The following EFCAB5 variants were observed in gnomAD, a reference collection of about 807,000 sequenced individuals.
The protein encoded by EFCAB5 is EF-hand calcium-binding domain-containing protein 5.
A neutral mutation model predicts 167.9 loss-of-function variants in EFCAB5; 131 were observed. The observed-to-expected ratio is 0.78, with a 90% confidence interval of 0.68 to 0.90. EFCAB5 has a LOEUF of 0.90. Ranked by LOEUF, EFCAB5 falls within the 40% of genes least tolerant of loss-of-function variation. The probability of loss-of-function intolerance (pLI) is 0.00; values close to 1 mark genes in which losing one functional copy is unlikely to be tolerated. For missense variants in EFCAB5, 1,663 were observed against 1,745.2 expected (o/e 0.95, Z 0.84); for synonymous variants, 574 against 602.8 (o/e 0.95, Z 0.70).
chr17:30,024,952 C>A (rs1163788391), intron 7 of EFCAB5, among the ~76,000 whole-genome samples: 4 of 151,000 alleles, frequency 2.6e-5, no homozygotes, highest in East Asian at 1.9e-4. Context: ...CCTATTTAAT[C>A]AATGGTGCTG....
intron 5 of EFCAB5, among the ~76,000 whole-genome samples, chr17:29,993,987 C>T (rs1379989847): frequency 1.3e-5 from 2 of 150,934 alleles, no homozygotes; most frequent in African/African-American, 4.9e-5. Flanking sequence ...GGCTGTGGTT[C>T]CAGCTTCTTG....
chr17:30,051,519 G>A (rs914079259), intron 9 of EFCAB5, among the ~76,000 whole-genome samples: 3 of 152,166 alleles, frequency 2.0e-5, no homozygotes, highest in Admixed American at 2.0e-4. Flanking sequence ...GTGACAGTCT[G>A]AATGTTTTGG....
At chr17:29,997,581 A>G (rs1025134449) in intron 6 of EFCAB5, among the ~76,000 whole-genome samples, 16 of 152,178 alleles carry the variant, frequency 1.1e-4, no homozygotes, top group Non-Finnish European at 2.4e-4. Context: ...AAGTTCCAGA[A>G]TTAAACAAAG....
intron 7 of EFCAB5, among the ~76,000 whole-genome samples, chr17:30,003,523 G>T (rs1008518472): frequency 2.7e-5 from 4 of 150,574 alleles, no homozygotes; most frequent in Middle Eastern, 3.2e-3. Context: ...GTGAGCCACT[G>T]TGCCCAGCCT....
At chr17:30,042,910 G>A (rs565861511) in intron 8 of EFCAB5, among the ~76,000 whole-genome samples, 17 of 152,204 alleles carry the variant, frequency 1.1e-4, no homozygotes, top group Admixed American at 4.6e-4. Flanking sequence ...TAACAAATTG[G>A]TTAAGCAGTA....
chr17:30,055,256 G>A (rs944414434), intron 10 of EFCAB5, among the ~76,000 whole-genome samples: 1 of 151,400 alleles, frequency 6.6e-6, no homozygotes, highest in Non-Finnish European at 1.5e-5. Flanking sequence ...TTGCACCACT[G>A]CACTCCATCT....
intron 14 of EFCAB5, among the ~76,000 whole-genome samples, chr17:30,070,732 C>T (rs889753107): frequency 2.0e-5 from 3 of 151,836 alleles, no homozygotes; most frequent in Non-Finnish European, 2.9e-5. Flanking sequence ...GGTGGATTAC[C>T]TGAGATCAGG....
chr17:30,024,716 G>A (rs965459452), intron 7 of EFCAB5, among the ~76,000 whole-genome samples: 2 of 151,494 alleles, frequency 1.3e-5, no homozygotes, highest in South Asian at 2.1e-4. Flanking sequence ...AAAAGAGCCC[G>A]CATCGCCAAG....
chr17:30,053,508 A>G lies in EFCAB5; in HGVS notation c.1554A>G (p.Pro518=). ...GAGGAGTAACTGCAGAACAAGGACC[A>G]CAAAGAATTTCAATTGAAGAACAAC... ...QQRGVTAEQG[P]QRISIEEQQQ... is the part of the protein sequence containing the mutation. Residue 518 remains proline (P), a synonymous_variant, in exon 10 of 23, where the codon CCA becomes CCG. Transcript: ENST00000394835. 6.2e-7 allele frequency: 1 copy of G among 1,614,012 alleles called. No individual in the cohort carries two copies. Among genetic ancestry groups the G allele is most frequent in the South Asian group, 1.1e-5 (1 of 91,084 alleles).
intron 18 of EFCAB5, among the ~76,000 whole-genome samples, chr17:30,084,330 C>A (rs2071045067): frequency 1.3e-5 from 2 of 152,096 alleles, no homozygotes. Context: ...CCCTTCAAAG[C>A]ACATGGGGCC....
Position 30,082,390 on chromosome 17 carries a change from C to CTTTTTTTTTTTTTT in EFCAB5, c.3427-492_3427-479dup, listed in dbSNP as rs71138871. Among the ~76,000 whole-genome samples the CTTTTTTTTTTTTTT allele has an allele frequency of 5.1e-5, 5 of 98,254 alleles. 1 individual carries two copies. The highest frequency in any genetic ancestry group is 8.2e-5 in the African/African-American group (2 of 24,436). The allele number at this position is 98,254 out of a possible 152,430, so 64.5% of individuals were successfully genotyped here. A position where few individuals can be genotyped will look rare whatever the true frequency, so the allele number is the denominator to read the frequency against. ...TATGTGGGTCTCTCTCTTTATACCT[C>CTTTTTTTTTTTTTT]TTTTTTTTTTTTTTTTTTTTTTGTG... On this transcript the variant is annotated intron_variant, in intron 17 of 22. Transcript: ENST00000394835.
intron 20 of EFCAB5, 40 bp from the exon 21 acceptor site, chr17:30,091,831 A>C (rs2071203349): frequency 1.9e-6 from 3 of 1,602,190 alleles, no homozygotes; most frequent in African/African-American, 1.3e-5. Context: ...AATGTACATT[A>C]GACTGAACAG....
rs1185342855 is a variant in EFCAB5 at position 30,090,535 on chromosome 17, C to T, written c.3798C>T (p.Leu1266=). The change falls in exon 20 of 23, where the codon CTC becomes CTT. Residue 1266 remains leucine (L), a synonymous_variant. Transcript: ENST00000394835. ...GAACAGGAGAGGCTCTGGGAGTCCTCGATTTTAACATCGGCCAAAATAGGA... is the reference window on the plus strand; with the variant it reads ...GAACAGGAGAGGCTCTGGGAGTCCTTGATTTTAACATCGGCCAAAATAGGA... ...RERTGEALGV[L]DFNIGQNRML... is the part of the protein sequence containing the mutation. 1 of 1,613,818 alleles carries T rather than the reference C, an allele frequency of 6.2e-7. No individual in the cohort carries two copies. Among genetic ancestry groups the T allele is most frequent in the South Asian group, 1.1e-5 (1 of 91,066 alleles).
At chr17:29,982,734 C>G (rs2068203690) in intron 4 of EFCAB5, among the ~76,000 whole-genome samples, 1 of 152,148 alleles carries the variant, frequency 6.6e-6, no homozygotes, top group Non-Finnish European at 1.5e-5. Flanking sequence ...TGAGGTCACT[C>G]AAAGTTCATG....
intron 8 of EFCAB5, among the ~76,000 whole-genome samples, chr17:30,034,858 T>C (rs2069575794): frequency 6.6e-6 from 1 of 152,180 alleles, no homozygotes; most frequent in South Asian, 2.1e-4. Context: ...GTTTATAAGA[T>C]AATTACAAAC....
chr17:30,093,630 C>T (rs890331285), intron 22 of EFCAB5, among the ~76,000 whole-genome samples: 1 of 152,172 alleles, frequency 6.6e-6, no homozygotes, highest in African/African-American at 2.4e-5. Flanking sequence ...ACTATCCTAG[C>T]TTATTCCTGA....
intron 3 of EFCAB5, among the ~76,000 whole-genome samples, chr17:29,967,089 G>A (rs1277038552): frequency 6.6e-6 from 1 of 151,956 alleles, no homozygotes; most frequent in African/African-American, 2.4e-5. Flanking sequence ...CTGCTCTGAG[G>A]ATATTCTTTT....
intron 3 of EFCAB5, among the ~76,000 whole-genome samples, chr17:29,955,342 G>A (rs1234912996): frequency 6.6e-6 from 1 of 152,148 alleles, no homozygotes; most frequent in Non-Finnish European, 1.5e-5. Context: ...TTGAATCATA[G>A]GGGTGGGTCT....
rs1242822330 is a variant in EFCAB5, at chr17:29,941,760, T to C, written c.-37T>C. On this transcript the variant is annotated 5_prime_UTR_variant, in exon 1 of 23. Coordinates refer to ENST00000394835, the MANE Select transcript of EFCAB5 (RefSeq NM_198529.4). ...GTTATTAATACTGGTCTAGTAATAT[T>C]CTTCTATACCATTTGGTGATAACTT... 2.6e-6 allele frequency: 4 copies of C among 1,538,270 alleles called. No individual in the cohort carries two copies. Among genetic ancestry groups the C allele is most frequent in the Non-Finnish European group, 3.6e-6 (4 of 1,125,252 alleles).
Sources: gnomAD v4.1 joint callset for allele counts (sites outside exome capture counted in the v4.1 genomes callset) on GRCh38, gnomAD v4.1.1 for gene constraint, MANE v1.5 for transcripts, NCBI Gene and HGNC (gene_info 2026-07-23, HGNC 2026-07-21) for gene names.